Variants in EPHA6 observed in about 807,000 individuals in gnomAD.
The protein encoded by EPHA6 is ephrin type-A receptor 6.
In EPHA6, 50 loss-of-function variants were observed where a neutral mutation model predicts 112.0. The observed-to-expected ratio is 0.45, with a 90% CI of 0.36 to 0.56. The LOEUF (loss-of-function observed/expected upper bound fraction) is 0.56, where lower values mean the gene tolerates loss of function less well. EPHA6 is among the 20% of genes least tolerant of loss of function. EPHA6 has a pLI of 0.00. For synonymous variants in EPHA6, 529 were observed against 490.7 expected, an observed-to-expected ratio of 1.08 and a Z score of -1.03; for missense variants, 1,280 against 1,417.4, an observed-to-expected ratio of 0.90 and a Z score of 1.56.
chr3:97,572,123 C>T (rs1351134789), intron 11 of EPHA6, among the ~76,000 whole-genome samples: 3 of 149,280 alleles, frequency 2.0e-5, no homozygotes, highest in African/African-American at 4.9e-5. Context: ...ATGCCAGTGT[C>T]AACTAAAACA....
intron 5 of EPHA6, among the ~76,000 whole-genome samples, chr3:97,306,966 A>AT (rs2081347295): frequency 6.7e-6 from 1 of 150,230 alleles, no homozygotes; most frequent in South Asian, 2.1e-4. Flanking sequence ...TTATGTATTG[A>AT]TTTTATTTCC....
At chr3:97,633,793 A>T (rs2093923639) in intron 13 of EPHA6, among the ~76,000 whole-genome samples, 1 of 152,136 alleles carries the variant, frequency 6.6e-6, no homozygotes, top group Non-Finnish European at 1.5e-5. Context: ...GGCTATGTTG[A>T]GGAAGACCAG....
chr3:96,977,014 C>T (rs1222106555), intron 2 of EPHA6, among the ~76,000 whole-genome samples: 1 of 152,054 alleles, frequency 6.6e-6, no homozygotes, highest in African/African-American at 2.4e-5. Flanking sequence ...TGAAGTCTGT[C>T]AGGGTGTGAG....
intron 5 of EPHA6, among the ~76,000 whole-genome samples, chr3:97,250,730 G>T (rs534287641): frequency 6.6e-6 from 1 of 152,158 alleles, no homozygotes; most frequent in South Asian, 2.1e-4. Flanking sequence ...ATAGTTCTTT[G>T]TTTGAAAATG....
chr3:97,680,753 A>G (rs2031798033), intron 14 of EPHA6, among the ~76,000 whole-genome samples: 1 of 152,226 alleles, frequency 6.6e-6, no homozygotes, highest in South Asian at 2.1e-4. Context: ...ATGAATGAAG[A>G]ACAAATGAAT....
rs188064761 is a variant in EPHA6 at position 96,910,093 on chromosome 3, T to G, written c.450+43204T>G. ...ATATTTAGCTAAAATTCTGTCTAAG[T>G]TGTACATCGTTCATAAATGTACTAG... is the stretch of plus-strand genomic sequence containing the variant. On this transcript the variant is annotated intron_variant, in intron 2 of 17. Coordinates refer to ENST00000389672, the MANE Select transcript of EPHA6 (RefSeq NM_001080448.3). Among the ~76,000 whole-genome samples, 126 of 152,174 alleles carry G rather than the reference T, an allele frequency of 8.3e-4. 1 individual carries two copies. The highest frequency in any genetic ancestry group is 2.9e-3 in the African/African-American group (120 of 41,570).
rs564264726 is a variant in EPHA6 at position 97,266,594 on chromosome 3, T to C, written c.1606+22307T>C. Among the ~76,000 whole-genome samples, 16 of 152,324 alleles carry C rather than the reference T, an allele frequency of 1.1e-4. No individual in the cohort carries two copies. The South Asian group carries it at 3.3e-3, about 32-fold the overall frequency. On this transcript the variant is annotated intron_variant, in intron 5 of 17. Transcript: ENST00000389672. ...TTATTTGATTGTTGCTTGAAAACTT[T>C]GTAAATCCAATACAAAAGAATTGTC...
intron 14 of EPHA6, among the ~76,000 whole-genome samples, chr3:97,640,827 G>C (rs545932374): frequency 3.3e-5 from 5 of 152,050 alleles, no homozygotes; most frequent in African/African-American, 1.2e-4. Context: ...AGAAAGGAAG[G>C]AGAGTTTGAA....
intron 1 of EPHA6, among the ~76,000 whole-genome samples, chr3:96,818,230 A>G (rs1047860647): frequency 4.6e-5 from 7 of 152,028 alleles, no homozygotes; most frequent in Non-Finnish European, 8.8e-5. Context: ...TTTACCGTGT[A>G]TCACAGTGGC....
intron 11 of EPHA6, among the ~76,000 whole-genome samples, chr3:97,552,032 A>G (rs1295586135): frequency 6.6e-6 from 1 of 152,192 alleles, no homozygotes; most frequent in Non-Finnish European, 1.5e-5. Flanking sequence ...TAAAGTTGCT[A>G]AAACAAAAAC....
intron 3 of EPHA6, among the ~76,000 whole-genome samples, chr3:97,029,068 A>C (rs1051693258): frequency 1.3e-5 from 2 of 151,780 alleles, no homozygotes; most frequent in African/African-American, 4.8e-5. Context: ...AATTGGAATT[A>C]AAGTTAACAG....
intron 1 of EPHA6, among the ~76,000 whole-genome samples, chr3:96,841,868 A>G (rs185788249): frequency 3.9e-5 from 6 of 152,246 alleles, no homozygotes; most frequent in African/African-American, 1.4e-4. Context: ...AAGGTTTAGT[A>G]CCAGATTCTG....
At chr3:96,922,905 T>G (rs912935317) in intron 2 of EPHA6, among the ~76,000 whole-genome samples, 1 of 152,184 alleles carries the variant, frequency 6.6e-6, no homozygotes, top group African/African-American at 2.4e-5. Context: ...CATGCAGTAT[T>G]TGGTTTTCTG....
intron 2 of EPHA6, among the ~76,000 whole-genome samples, chr3:96,877,798 GTCT>G (rs1288642239): frequency 6.6e-6 from 1 of 151,698 alleles, no homozygotes; most frequent in East Asian, 1.9e-4. Flanking sequence ...GCTTAACTTA[GTCT>G]TCTTCTTCCC....
chr3:97,447,749 C>T (rs1434373678), intron 6 of EPHA6: 4 of 1,012,778 alleles, frequency 3.9e-6, no homozygotes, highest in African/African-American at 3.4e-5. Flanking sequence ...AGTTCACTTC[C>T]ATTTAGTGAA....
intron 12 of EPHA6, among the ~76,000 whole-genome samples, chr3:97,598,537 T>C (rs1013981982): frequency 2.7e-5 from 4 of 150,760 alleles, no homozygotes; most frequent in Non-Finnish European, 4.4e-5. Context: ...GTTCTTGTGA[T>C]AGTTTACTGA....
rs545997548 is a variant in EPHA6 at position 97,753,334 on chromosome 3, G to T, written c.*4633G>T. Among the ~76,000 whole-genome samples, 4 of 152,098 alleles carry T rather than the reference G, an allele frequency of 2.6e-5. No homozygotes were observed. Among genetic ancestry groups the T allele is most frequent in the Non-Finnish European group, 5.9e-5 (4 of 68,002 alleles). ...TCACCGGGGGATAGCACTTTCCATA[G>T]AATATAAAGAAATAAATAGGATCTT... is the stretch of plus-strand genomic sequence containing the variant. On this transcript the variant is annotated 3_prime_UTR_variant, in exon 18 of 18. Coordinates refer to ENST00000389672, the MANE Select transcript of EPHA6 (RefSeq NM_001080448.3).
intron 3 of EPHA6, among the ~76,000 whole-genome samples, chr3:96,998,157 C>A (rs554370844): frequency 6.6e-6 from 1 of 151,842 alleles, no homozygotes; most frequent in African/African-American, 2.4e-5. Context: ...TAAATTTACA[C>A]ACATTTCTAT....
chr3:97,245,469 C>T (rs2078961695), intron 5 of EPHA6, among the ~76,000 whole-genome samples: 1 of 151,834 alleles, frequency 6.6e-6, no homozygotes, highest in Non-Finnish European at 1.5e-5. Flanking sequence ...GTTGTGACTT[C>T]AACATATGAA....
Sources: allele counts gnomAD v4.1 joint callset (sites outside exome capture counted in the v4.1 genomes callset), GRCh38; gene constraint gnomAD v4.1.1; transcripts MANE v1.5; gene names NCBI Gene and HGNC (gene_info 2026-07-23, HGNC 2026-07-21).